Variants in ERCC6L2 observed in about 807,000 individuals in gnomAD.
The protein encoded by ERCC6L2 is ERCC excision repair 6 like 2, also known as DNA excision repair protein ERCC-6-like 2.
A neutral mutation model predicts 132.0 loss-of-function variants in ERCC6L2; 77 were observed. That is an observed-to-expected ratio of 0.58 (90% CI 0.49 to 0.71). The LOEUF (loss-of-function observed/expected upper bound fraction) is 0.71. Ranked by LOEUF, ERCC6L2 falls within the 30% of genes least tolerant of loss-of-function variation. ERCC6L2 has a pLI of 0.00. For missense variants in ERCC6L2, 1,542 were observed against 1,837.6 expected, an observed-to-expected ratio of 0.84 and a Z score of 2.94; for synonymous variants, 583 against 632.4, an observed-to-expected ratio of 0.92 and a Z score of 1.17.
chr9:95,893,394 A>G (rs552026037), intron 2 of ERCC6L2, among the ~76,000 whole-genome samples: 1 of 152,286 alleles, frequency 6.6e-6, no homozygotes, highest in East Asian at 1.9e-4. Flanking sequence ...TGAGTAAGAT[A>G]AATTGGCTTG....
chr9:96,026,444 G>A (rs1834364986), intron 19 of ERCC6L2, among the ~76,000 whole-genome samples: 1 of 152,066 alleles, frequency 6.6e-6, no homozygotes, highest in South Asian at 2.1e-4. Context: ...GGGGGTGGGG[G>A]AAGCGCGGGG....
intron 19 of ERCC6L2, among the ~76,000 whole-genome samples, chr9:96,031,289 TG>T (rs1834455922): frequency 6.6e-6 from 1 of 152,162 alleles, no homozygotes; most frequent in Non-Finnish European, 1.5e-5. Flanking sequence ...TGTTTTGTTT[TG>T]TTTCTTTGGG....
chr9:95,900,817 ATTTTC>A (rs1344824180), intron 3 of ERCC6L2, among the ~76,000 whole-genome samples: 1 of 151,994 alleles, frequency 6.6e-6, no homozygotes, highest in African/African-American at 2.4e-5. Flanking sequence ...TAATAGTGTT[ATTTTC>A]TTCTTGTCTG....
chr9:95,998,089 A>G (rs938764069), intron 17 of ERCC6L2, among the ~76,000 whole-genome samples: 17 of 152,150 alleles, frequency 1.1e-4, no homozygotes, highest in Non-Finnish European at 1.9e-4. Context: ...CTTTCTGGCC[A>G]TATACACCTT....
At chr9:95,960,600 G>A (rs577455508) in intron 13 of ERCC6L2, among the ~76,000 whole-genome samples, 34 of 152,252 alleles carry the variant, frequency 2.2e-4, no homozygotes, top group African/African-American at 7.9e-4. Context: ...GCCACCGCAA[G>A]CTGGAAGAGT....
At chr9:95,956,924 T>G (rs1474870987) in intron 13 of ERCC6L2, among the ~76,000 whole-genome samples, 1 of 152,174 alleles carries the variant, frequency 6.6e-6, no homozygotes, top group Non-Finnish European at 1.5e-5. Context: ...GTTACCATTT[T>G]CTACATGTGC....
At chr9:95,879,555 T>C (rs1827479744) in intron 1 of ERCC6L2, among the ~76,000 whole-genome samples, 3 of 152,186 alleles carry the variant, frequency 2.0e-5, no homozygotes, top group Admixed American at 2.0e-4. Flanking sequence ...GTACAGTGGA[T>C]CGAGGCTTTA....
At chr9:95,976,323 G>C (rs987169221) in intron 16 of ERCC6L2, among the ~76,000 whole-genome samples, 1 of 152,072 alleles carries the variant, frequency 6.6e-6, no homozygotes, top group Non-Finnish European at 1.5e-5. Context: ...CCTGACCTGG[G>C]TGGGAGCCCT....
intron 13 of ERCC6L2, among the ~76,000 whole-genome samples, chr9:95,965,247 T>C (rs1479915475): frequency 6.6e-6 from 1 of 152,228 alleles, no homozygotes; most frequent in African/African-American, 2.4e-5. Context: ...GGAATGACAC[T>C]TCTTAGCTGG....
At chr9:95,930,214 C>A (rs1240755935) in intron 11 of ERCC6L2, among the ~76,000 whole-genome samples, 1 of 151,690 alleles carries the variant, frequency 6.6e-6, no homozygotes, top group Non-Finnish European at 1.5e-5. Flanking sequence ...CTTTGGAGAC[C>A]GGTTGTAGGA....
chr9:95,931,795 G>A (rs182078886), intron 11 of ERCC6L2, among the ~76,000 whole-genome samples: 8 of 148,420 alleles, frequency 5.4e-5, no homozygotes, highest in Non-Finnish European at 1.2e-4. Context: ...GTGGATCTTC[G>A]TTCATTTTTT....
chr9:95,955,486 C>A (rs1306014646), intron 12 of ERCC6L2, among the ~76,000 whole-genome samples: 3 of 148,908 alleles, frequency 2.0e-5, no homozygotes, highest in South Asian at 4.1e-4. Context: ...TTGTGACCCA[C>A]CTCTCCCATT....
At chr9:95,933,864 A>G (rs1054735796) in intron 11 of ERCC6L2, among the ~76,000 whole-genome samples, 18 of 147,664 alleles carry the variant, frequency 1.2e-4, no homozygotes, top group African/African-American at 4.2e-4. Flanking sequence ...AAAAAAAAAA[A>G]GAAGTCTTGA....
intron 2 of ERCC6L2, among the ~76,000 whole-genome samples, chr9:95,897,621 G>A (rs1274340659): frequency 6.6e-6 from 1 of 152,096 alleles, no homozygotes; most frequent in Non-Finnish European, 1.5e-5. Flanking sequence ...GTAGGTAGAA[G>A]TTATGAAAAG....
At chr9:96,005,429 A>AAG (rs1833834048) in intron 18 of ERCC6L2, among the ~76,000 whole-genome samples, 1 of 152,056 alleles carries the variant, frequency 6.6e-6, no homozygotes, top group African/African-American at 2.4e-5. Context: ...TATAAGAAAA[A>AAG]AGAGAAAGAG....
At chr9:95,904,360 A>G (rs1202900962) in intron 3 of ERCC6L2, among the ~76,000 whole-genome samples, 1 of 152,108 alleles carries the variant, frequency 6.6e-6, no homozygotes, top group African/African-American at 2.4e-5. Context: ...GTATTCATTC[A>G]TCAATTGAAT....
intron 18 of ERCC6L2, among the ~76,000 whole-genome samples, chr9:96,006,335 TCAAATA>T (rs1701882380): frequency 6.6e-6 from 1 of 152,174 alleles, no homozygotes; most frequent in South Asian, 2.1e-4. Flanking sequence ...AGGGAGTTTG[TCAAATA>T]CTGCTGAGAA....
intron 12 of ERCC6L2, among the ~76,000 whole-genome samples, chr9:95,945,407 TACAA>T (rs1454651908): frequency 1.3e-5 from 2 of 152,222 alleles, no homozygotes; most frequent in African/African-American, 4.8e-5. Context: ...ACACATGCTG[TACAA>T]ACAATTTGTG....
At chr9:95,891,636 G>A (rs1299895023) in intron 2 of ERCC6L2, among the ~76,000 whole-genome samples, 1 of 150,410 alleles carries the variant, frequency 6.6e-6, no homozygotes, top group Non-Finnish European at 1.5e-5. Flanking sequence ...TTTCCACAAT[G>A]GCTAAAACAT....
Sources: allele counts gnomAD v4.1 joint callset (sites outside exome capture counted in the v4.1 genomes callset), GRCh38; gene constraint gnomAD v4.1.1; transcripts MANE v1.5; gene names NCBI Gene and HGNC (gene_info 2026-07-23, HGNC 2026-07-21).